The following SHANK2 variants were observed in gnomAD, a reference collection of about 807,000 sequenced individuals.
SHANK2 encodes the protein SH3 and multiple ankyrin repeat domains 2.
SHANK2 carries 43 observed loss-of-function variants against 133.7 expected under a neutral mutation model. The ratio of observed to expected loss-of-function variants is 0.32; its 90% CI spans 0.25 to 0.41. The LOEUF (loss-of-function observed/expected upper bound fraction) is 0.41. Among genes scored for constraint, SHANK2 ranks in the 10% least tolerant of loss-of-function variants. The pLI, the probability that SHANK2 is intolerant of heterozygous loss-of-function variation, is 1.00. For missense variants in SHANK2, 1,994 were observed against 2,235.8 expected, an observed-to-expected ratio of 0.89 and a Z score of 2.18; for synonymous variants, 1,017 against 952.8, an observed-to-expected ratio of 1.07 and a Z score of -1.24.
intron 17 of SHANK2, among the ~76,000 whole-genome samples, chr11:70,506,621 C>G (rs1317740168): frequency 6.6e-6 from 1 of 152,210 alleles, no homozygotes; most frequent in Non-Finnish European, 1.5e-5. Context: ...TGAGCCACTT[C>G]CAAACAAAGT....
chr11:71,154,203 G>T (rs551201450), intron 2 of SHANK2, among the ~76,000 whole-genome samples: 1 of 152,178 alleles, frequency 6.6e-6, no homozygotes, highest in Non-Finnish European at 1.5e-5. Flanking sequence ...AGGCTCCCCT[G>T]GTGCCGTTTA....
At chr11:70,903,391 TAAATAAAATA>T (rs61298155) in intron 10 of SHANK2, among the ~76,000 whole-genome samples, 6,185 of 125,800 alleles carry the variant, frequency 0.049, 193 homozygotes, top group East Asian at 0.089. Context: ...TAAAATAAAG[TAAATAAAATA>T]AAATAAAATA....
chr11:71,211,028 T>A (rs1420510074), intron 2 of SHANK2, among the ~76,000 whole-genome samples: 2 of 152,080 alleles, frequency 1.3e-5, no homozygotes, highest in Non-Finnish European at 1.5e-5. Flanking sequence ...CTCAGGGTCC[T>A]GTTTCAGGGG....
intron 10 of SHANK2, among the ~76,000 whole-genome samples, chr11:70,940,216 T>TCCCTCCCTCCTTCCCC (rs1555084143): frequency 1.3e-5 from 1 of 78,822 alleles, no homozygotes; most frequent in Admixed American, 1.2e-4. Context: ...CCTCCTTCCC[T>TCCCTCCCTCCTTCCCC]TCCTCCCTCC....
chr11:70,606,600 G>A (rs911205071), intron 17 of SHANK2, among the ~76,000 whole-genome samples: 1 of 150,684 alleles, frequency 6.6e-6, no homozygotes, highest in South Asian at 2.1e-4. Context: ...CAGGTCCTTT[G>A]TGGGGGGCCA....
intron 17 of SHANK2, among the ~76,000 whole-genome samples, chr11:70,575,711 G>T (rs1365276740): frequency 6.6e-6 from 1 of 151,556 alleles, no homozygotes; most frequent in Non-Finnish European, 1.5e-5. Context: ...GGTGGTGGGT[G>T]GGGGGCGCAG....
intron 17 of SHANK2, among the ~76,000 whole-genome samples, chr11:70,514,957 G>T (rs115813795): frequency 6.6e-6 from 1 of 152,146 alleles, no homozygotes; most frequent in Non-Finnish European, 1.5e-5. Context: ...TATGCTGTCC[G>T]TACACTTTCA....
chr11:70,568,234 A>T (rs968641139), intron 17 of SHANK2, among the ~76,000 whole-genome samples: 5 of 152,234 alleles, frequency 3.3e-5, no homozygotes, highest in East Asian at 3.9e-4. Flanking sequence ...GGCTGGAGCC[A>T]GGGATCCTTC....
chr11:71,172,777 C>A (rs183222554), intron 2 of SHANK2, among the ~76,000 whole-genome samples: 270 of 152,320 alleles, frequency 1.8e-3, no homozygotes, highest in Non-Finnish European at 3.5e-3. Flanking sequence ...ACCCAGGAAG[C>A]CTGCATAGTT....
intron 21 of SHANK2, among the ~76,000 whole-genome samples, chr11:70,492,793 T>G (rs2058911501): frequency 7.2e-6 from 1 of 139,256 alleles, no homozygotes; most frequent in Non-Finnish European, 1.6e-5. Flanking sequence ...CTGTGTTTTT[T>G]TTTTTTTTTT....
Position 70,807,798 on chromosome 11 carries a change from C to T in SHANK2, c.1494-627G>A, listed in dbSNP as rs927838929. Among the ~76,000 whole-genome samples the T allele has an allele frequency of 6.6e-6, 1 of 152,032 alleles. No individual in the cohort carries two copies. The highest frequency in any genetic ancestry group is 1.5e-5 in the Non-Finnish European group (1 of 68,016). On this transcript the variant is annotated intron_variant, in intron 12 of 25. Transcript: ENST00000601538. The surrounding 1 kb of genome is among the most constrained non-coding windows in gnomAD (Gnocchi z 4.8). The stretch of plus-strand genomic sequence containing the variant: ...TGAGCCAAGACTGCACCATTGCACT[C>T]CAGCCTGGGTGACAGAGTGAGACTC...
At chr11:70,722,766 T>C (rs1565270070) in intron 14 of SHANK2, among the ~76,000 whole-genome samples, 1 of 152,182 alleles carries the variant, frequency 6.6e-6, no homozygotes, top group East Asian at 1.9e-4. Flanking sequence ...TAACATAGTG[T>C]ACCTCGAAGG....
intron 17 of SHANK2, among the ~76,000 whole-genome samples, chr11:70,629,205 G>C (rs1555001144): frequency 6.6e-6 from 1 of 152,084 alleles, no homozygotes; most frequent in East Asian, 1.9e-4. Flanking sequence ...TCCATCTAGA[G>C]AGCCTTGGGT....
chr11:71,232,807 T>C (rs944830680), intron 1 of SHANK2, among the ~76,000 whole-genome samples: 5 of 152,184 alleles, frequency 3.3e-5, no homozygotes, highest in African/African-American at 9.7e-5. Context: ...TAGTTACATT[T>C]TGGGGGAGTC....
At chr11:70,788,819 G>A (rs988375477) in intron 14 of SHANK2, among the ~76,000 whole-genome samples, 4 of 152,168 alleles carry the variant, frequency 2.6e-5, no homozygotes, top group Admixed American at 6.5e-5. Flanking sequence ...AGGAGGTGAC[G>A]GCTCCAGGTG....
chr11:71,219,180 G>A (rs902217207), intron 2 of SHANK2, among the ~76,000 whole-genome samples: 2 of 152,212 alleles, frequency 1.3e-5, no homozygotes, highest in African/African-American at 4.8e-5. Flanking sequence ...AGATCATTTA[G>A]AACAAGGCCC....
intron 15 of SHANK2, among the ~76,000 whole-genome samples, chr11:70,685,347 G>C (rs782051343): frequency 6.6e-6 from 1 of 152,006 alleles, no homozygotes; most frequent in Non-Finnish European, 1.5e-5. Context: ...AGAGCTCCAC[G>C]GGGCCAACTC....
chr11:70,845,139 C>T (rs1555062821), intron 11 of SHANK2, among the ~76,000 whole-genome samples: 2 of 131,714 alleles, frequency 1.5e-5, no homozygotes, highest in Non-Finnish European at 3.0e-5. Flanking sequence ...GCAGAGGTTG[C>T]AGTGAGCCAT....
intron 10 of SHANK2, among the ~76,000 whole-genome samples, chr11:70,913,546 A>C (rs570203185): frequency 7.4e-4 from 113 of 152,338 alleles, no homozygotes; most frequent in African/African-American, 2.5e-3. Flanking sequence ...GGAGACCAAG[A>C]GGGAAAGAAA....
Sources: gnomAD v4.1 joint callset for allele counts (sites outside exome capture counted in the v4.1 genomes callset) on GRCh38, gnomAD v4.1.1 for gene constraint, Gnocchi (gnomAD v3.1) non-coding constraint, MANE v1.5 for transcripts, NCBI Gene and HGNC (gene_info 2026-07-23, HGNC 2026-07-21) for gene names.